SEC14L1: variants seen among roughly 807,000 people sequenced by gnomAD.
SEC14L1 encodes SEC14-like protein 1.
Under a neutral mutation model 85.3 loss-of-function variants are expected in SEC14L1, and 48 were observed. That is an observed-to-expected ratio of 0.56 (90% confidence interval 0.45 to 0.72). SEC14L1 has a LOEUF of 0.72. SEC14L1 is among the 30% of genes least tolerant of loss of function. The pLI, the probability that SEC14L1 is intolerant of heterozygous loss-of-function variation, is 0.00. For synonymous variants in SEC14L1, 391 were observed against 355.5 expected, an observed-to-expected ratio of 1.10 and a Z score of -1.12; for missense variants, 682 against 921.4, an observed-to-expected ratio of 0.74 and a Z score of 3.36.
chr17:77,131,815 T>C (rs1045989682), intron 3 of SEC14L1, among the ~76,000 whole-genome samples: 2 of 152,232 alleles, frequency 1.3e-5, no homozygotes, highest in East Asian at 3.8e-4. Context: ...GTCTGTATTT[T>C]TGGGAGAGAA....
intron 3 of SEC14L1, among the ~76,000 whole-genome samples, chr17:77,129,444 A>C (rs1372044242): frequency 6.6e-6 from 1 of 152,190 alleles, no homozygotes; most frequent in East Asian, 1.9e-4. Context: ...TGTGATTCTC[A>C]GCTGGAGGTC....
At chr17:77,173,021 C>T (rs1324097526) in intron 3 of SEC14L1, among the ~76,000 whole-genome samples, 2 of 152,096 alleles carry the variant, frequency 1.3e-5, no homozygotes, top group Admixed American at 6.5e-5. Flanking sequence ...TCCTAAAAAG[C>T]GAATACCTAG....
chr17:77,160,688 T>C (rs1035797751), intron 3 of SEC14L1, among the ~76,000 whole-genome samples: 3 of 152,234 alleles, frequency 2.0e-5, no homozygotes, highest in Non-Finnish European at 4.4e-5. Context: ...ACTAGTGTCT[T>C]TATAATTCTC....
chr17:77,190,842 A>G lies in SEC14L1; in HGVS notation c.103A>G (p.Met35Val). Reference protein sequence around the residue: ...RRFPTCPLIPMFVGSDTVNEF... With the variant: ...RRFPTCPLIPVFVGSDTVNEF... ...GTTCCCTACATGTCCTTTGATTCCG[A>G]TGTTCGTGGGCAGTGACACTGTGAA... is the stretch of plus-strand genomic sequence containing the variant. The change falls in exon 4 of 17, where the codon ATG (methionine) becomes GTG (valine). Residue 35 changes from methionine (M) to valine (V), a missense_variant. Transcript: ENST00000436233. The G allele has an allele frequency of 6.2e-7, 1 of 1,614,152 alleles. No homozygotes were observed. The highest frequency in any genetic ancestry group is 8.5e-7 in the Non-Finnish European group (1 of 1,180,024).
intron 11 of SEC14L1, among the ~76,000 whole-genome samples, 177 bp downstream of exon 11, chr17:77,205,523 C>T (rs1388725681): frequency 6.6e-6 from 1 of 152,062 alleles, no homozygotes; most frequent in Non-Finnish European, 1.5e-5. Context: ...TTTTTTGACC[C>T]CAGGCATTGC....
chr17:77,102,219 G>T (rs572348328), intron 3 of SEC14L1, among the ~76,000 whole-genome samples: 1 of 152,362 alleles, frequency 6.6e-6, no homozygotes. Flanking sequence ...ATACAGCTAA[G>T]TGGATACAGC....
At chr17:77,099,305 C>T (rs1157903649) in intron 3 of SEC14L1, 1 of 152,192 alleles carries the variant, frequency 6.6e-6, no homozygotes. Context: ...CTCCGTAAGC[C>T]ACATTTTACC....
At chr17:77,205,188 C>A in intron 10 of SEC14L1, 88 bp from the exon 11 acceptor site, 2 of 1,105,690 alleles carry the variant, frequency 1.8e-6, no homozygotes, top group Non-Finnish European at 2.7e-6. Context: ...ATCTGTAATA[C>A]GCTGTTAGTG....
At position 77,167,146 on chromosome 17, in the gene SEC14L1, C is replaced by CTT. The variant is rs72037954; in HGVS notation, c.63+23505_63+23506dup. On this transcript the variant is annotated intron_variant, in intron 3 of 16. Coordinates refer to ENST00000436233, the MANE Select transcript of SEC14L1 (RefSeq NM_001143998.2). ...GTCTTTCTGTTTTCTTTTCTTTTTC[C>CTT]TTTTTTTTTTTTTTTTTTTGAGACA... is the stretch of plus-strand genomic sequence containing the variant. Among the ~76,000 whole-genome samples the CTT allele has an allele frequency of 1.6e-3, 220 of 134,558 alleles. 2 individuals are homozygous for CTT. Among genetic ancestry groups the CTT allele is most frequent in the African/African-American group, 5.4e-3 (197 of 36,208 alleles). The allele number at this position is 134,558 out of a possible 152,430, so 88.3% of individuals were successfully genotyped here. A position where few individuals can be genotyped will look rare whatever the true frequency, so the allele number is the denominator to read the frequency against.
chr17:77,207,640 T>G (rs182502956), intron 13 of SEC14L1, among the ~76,000 whole-genome samples: 3 of 152,166 alleles, frequency 2.0e-5, no homozygotes, highest in Admixed American at 6.5e-5. Flanking sequence ...TTAGTAGAGA[T>G]GGGGTTTCAC....
chr17:77,153,129 G>A (rs1390921541), intron 3 of SEC14L1, among the ~76,000 whole-genome samples: 3 of 152,086 alleles, frequency 2.0e-5, no homozygotes, highest in African/African-American at 4.8e-5. Flanking sequence ...GTGCAGTGGC[G>A]CAATCTTGGC....
intron 3 of SEC14L1, among the ~76,000 whole-genome samples, chr17:77,168,006 G>T (rs1567906116): frequency 1.3e-5 from 2 of 152,334 alleles, no homozygotes; most frequent in South Asian, 2.1e-4. Context: ...TCCTTCCCCT[G>T]TTGGCTAGGG....
chr17:77,202,643 A>C (rs1976212451), intron 9 of SEC14L1, among the ~76,000 whole-genome samples: 1 of 151,778 alleles, frequency 6.6e-6, no homozygotes, highest in South Asian at 2.1e-4. Flanking sequence ...AAGGAGGCCC[A>C]GCACAGTGGC....
At position 77,213,680 on chromosome 17, in the gene SEC14L1, T is replaced by C. The variant is rs771329419; in HGVS notation, c.2042+188T>C. On this transcript the variant is annotated intron_variant, in intron 16 of 16. Transcript: ENST00000436233. This position sits in a 1 kb window ranked among gnomAD's most constrained non-coding sequence, Gnocchi z 7.1. ...TCCCTGCCTGTCTGCAGAGGGAGAG[T>C]GTCGGAGACAGAGCCGACTGACTGC... The C allele has an allele frequency of 8.4e-5, 72 of 860,672 alleles. No homozygotes were observed. The highest frequency in any genetic ancestry group is 4.4e-4 in the Admixed American group (22 of 50,180). 53.3% of individuals were successfully genotyped at this position (860,672 alleles called of 1,614,324 possible). A position where few individuals can be genotyped will look rare whatever the true frequency, so the allele number is the denominator to read the frequency against.
In SEC14L1 at chr17:77,123,514, C is replaced by T. The variant is rs559203749; in HGVS notation, c.-135-19132C>T. ...GCAACCTCCGCCTTCTGGGTTCAAGCGATTCTCCCACCTCAGCCTCCTACG... is the reference window on the plus strand; with the variant it reads ...GCAACCTCCGCCTTCTGGGTTCAAGTGATTCTCCCACCTCAGCCTCCTACG... On this transcript the variant is annotated intron_variant, in intron 3 of 19. Coordinates refer to the SEC14L1 transcript ENST00000392476. Among the ~76,000 whole-genome samples the T allele has an allele frequency of 4.7e-5, 7 of 148,288 alleles. No individual in the cohort carries two copies. In the East Asian group the frequency reaches 1.0e-3, roughly 21 times the overall value.
intron 3 of SEC14L1, among the ~76,000 whole-genome samples, chr17:77,183,505 T>G (rs1975137399): frequency 6.6e-6 from 1 of 152,212 alleles, no homozygotes; most frequent in Non-Finnish European, 1.5e-5. Context: ...ATCGTGCACC[T>G]GTGGTCCCAG....
chr17:77,196,409 C>T, intron 8 of SEC14L1, 98 bp downstream of exon 8: 1 of 694,070 alleles, frequency 1.4e-6, no homozygotes, highest in Non-Finnish European at 2.4e-6. Context: ...TTCCCAACTT[C>T]CACGGCTGGG....
upstream of SEC14L1, among the ~76,000 whole-genome samples, chr17:77,139,352 A>G (rs1972897028): frequency 1.3e-5 from 2 of 150,808 alleles, no homozygotes; most frequent in Admixed American, 1.3e-4. Flanking sequence ...TTGTATTTTT[A>G]GTGGAGACGA....
At chr17:77,091,237 G>A (rs928290263) in intron 2 of SEC14L1, among the ~76,000 whole-genome samples, 1 of 152,038 alleles carries the variant, frequency 6.6e-6, no homozygotes. Flanking sequence ...ACAGGCGCAC[G>A]CCACCATGCC....
Sources: allele counts gnomAD v4.1 joint callset (sites outside exome capture counted in the v4.1 genomes callset), GRCh38; gene constraint gnomAD v4.1.1; non-coding constraint Gnocchi (gnomAD v3.1); transcripts MANE v1.5; gene names NCBI Gene and HGNC (gene_info 2026-07-23, HGNC 2026-07-21).